LHFPL4: variants seen among roughly 807,000 people sequenced by gnomAD.
LHFPL4 encodes LHFPL tetraspan subfamily member 4 protein.
LHFPL4 carries 6 observed loss-of-function variants against 20.0 expected under a neutral mutation model. That is an observed-to-expected ratio of 0.30 (90% CI 0.16 to 0.59). The LOEUF (loss-of-function observed/expected upper bound fraction) is 0.59. LHFPL4 is among the 20% of genes least tolerant of loss of function. The pLI, the probability that LHFPL4 is intolerant of heterozygous loss-of-function variation, is 0.88. For synonymous variants in LHFPL4, 129 were observed against 143.8 expected (o/e 0.90, Z 0.74); for missense variants, 215 against 331.2 (o/e 0.65, Z 2.72).
chr3:9,515,558 G>T (rs578060793), intron 2 of LHFPL4, among the ~76,000 whole-genome samples: 2 of 151,880 alleles, frequency 1.3e-5, no homozygotes, highest in South Asian at 4.2e-4. Flanking sequence ...ATTTTTAGTA[G>T]AGATGGGGTT....
chr3:9,530,248 G>C (rs1215918932), intron 2 of LHFPL4, among the ~76,000 whole-genome samples: 1 of 152,036 alleles, frequency 6.6e-6, no homozygotes, highest in Non-Finnish European at 1.5e-5. Context: ...ACAGAAGGCT[G>C]TTTCATCTAC....
intron 2 of LHFPL4, among the ~76,000 whole-genome samples, chr3:9,532,963 G>A (rs937993423): frequency 2.0e-5 from 3 of 152,198 alleles, no homozygotes; most frequent in African/African-American, 4.8e-5. Context: ...TGCTGCAGGG[G>A]CCCTGGAGGA....
intron 2 of LHFPL4, among the ~76,000 whole-genome samples, chr3:9,507,656 C>G (rs1398351773): frequency 6.6e-6 from 1 of 152,202 alleles, no homozygotes. Flanking sequence ...CAATGGTTCC[C>G]TAGCTAGCAT....
intron 2 of LHFPL4, among the ~76,000 whole-genome samples, chr3:9,541,399 G>A (rs1391725721): frequency 6.6e-6 from 1 of 152,154 alleles, no homozygotes; most frequent in African/African-American, 2.4e-5. Context: ...AACAACCTTG[G>A]TGCTGGGAAA....
intron 2 of LHFPL4, among the ~76,000 whole-genome samples, chr3:9,551,701 T>C (rs2125669314): frequency 6.6e-6 from 1 of 152,230 alleles, no homozygotes; most frequent in Middle Eastern, 3.4e-3. Flanking sequence ...TCTCAAACAG[T>C]GGATAAGCAC....
At chr3:9,521,694 C>T (rs1018748206) in intron 2 of LHFPL4, among the ~76,000 whole-genome samples, 2 of 138,598 alleles carry the variant, frequency 1.4e-5, no homozygotes, top group African/African-American at 2.8e-5. Context: ...TGAGCCACCA[C>T]GCCCAGCCTC....
rs116778921 is a variant in LHFPL4 at position 9,533,086 on chromosome 3, C to G, written c.406+19188G>C. Among the ~76,000 whole-genome samples, 5 of 152,170 alleles carry G rather than the reference C, an allele frequency of 3.3e-5. No homozygotes were observed. In the South Asian group the frequency reaches 1.0e-3, roughly 32 times the overall value. ...AAGAGAAGGAAAATGTCTACAAGTTCAAAGGGGGCAGGCACTGGAAGGTGA... is the reference window on the plus strand; with the variant it reads ...AAGAGAAGGAAAATGTCTACAAGTTGAAAGGGGGCAGGCACTGGAAGGTGA... On this transcript the variant is annotated intron_variant, in intron 2 of 3. Coordinates refer to ENST00000287585, the MANE Select transcript of LHFPL4 (RefSeq NM_198560.3).
In LHFPL4 at chr3:9,500,714, G is replaced by A. The variant is rs1165050864; in HGVS notation, c.*1497C>T. On this transcript the variant is annotated 3_prime_UTR_variant, in exon 4 of 4. Transcript: ENST00000287585. ...TCCCTGCAGGTCCAGGCCGCCAGGA[G>A]GGGGCGCTGGACGAAGCCGGTCTGC... 1 of 152,274 alleles carries A rather than the reference G, an allele frequency of 6.6e-6. No individual in the cohort carries two copies. Among genetic ancestry groups the A allele is most frequent in the Non-Finnish European group, 1.5e-5 (1 of 68,068 alleles). 9.4% of individuals were successfully genotyped at this position (152,274 alleles called of 1,614,324 possible). A position where few individuals can be genotyped will look rare whatever the true frequency, so the allele number is the denominator to read the frequency against.
intron 2 of LHFPL4, among the ~76,000 whole-genome samples, chr3:9,551,920 C>T (rs2046557530): frequency 6.6e-6 from 1 of 152,022 alleles, no homozygotes; most frequent in South Asian, 2.1e-4. Context: ...TTCAACATAA[C>T]AGAAATTGAT....
intron 2 of LHFPL4, among the ~76,000 whole-genome samples, chr3:9,517,504 T>C (rs1377874229): frequency 6.6e-6 from 1 of 151,930 alleles, no homozygotes; most frequent in Non-Finnish European, 1.5e-5. Flanking sequence ...TTTCACTTTT[T>C]CCAGTCTGAG....
Position 9,527,809 on chromosome 3 carries a change from A to AACACACACAC in LHFPL4, c.407-21616_407-21607dup, listed in dbSNP as rs58489008. Among the ~76,000 whole-genome samples, 378 of 143,270 alleles carry AACACACACAC rather than the reference A, an allele frequency of 2.6e-3. 1 individual carries two copies. The highest frequency in any genetic ancestry group is 7.1e-3 in the South Asian group (31 of 4,346). The allele number at this position is 143,270 out of a possible 152,430, so 94.0% of individuals were successfully genotyped here. A position where few individuals can be genotyped will look rare whatever the true frequency, so the allele number is the denominator to read the frequency against. ...TGTACAAATTAATTTTTCAAATACA[A>AACACACACAC]ACACACACACACACACACACACACA... On this transcript the variant is annotated intron_variant, in intron 2 of 3. Coordinates refer to ENST00000287585, the MANE Select transcript of LHFPL4 (RefSeq NM_198560.3).
intron 3 of LHFPL4, among the ~76,000 whole-genome samples, chr3:9,504,103 G>A (rs971731017): frequency 6.6e-6 from 1 of 152,174 alleles, no homozygotes; most frequent in Admixed American, 6.5e-5. Flanking sequence ...GGGTGTGCTG[G>A]CTCATGCCTG....
chr3:9,550,380 C>T (rs1574857811), intron 2 of LHFPL4, among the ~76,000 whole-genome samples: 1 of 152,224 alleles, frequency 6.6e-6, no homozygotes, highest in African/African-American at 2.4e-5. Flanking sequence ...GGCTGTAGAA[C>T]TAGCTTCCTC....
intron 3 of LHFPL4, among the ~76,000 whole-genome samples, chr3:9,502,685 A>T: frequency 6.6e-6 from 1 of 151,462 alleles, no homozygotes. Flanking sequence ...CCTAGGCAAA[A>T]AGTGTGAAAC....
chr3:9,510,051 A>G (rs891604980), intron 2 of LHFPL4, among the ~76,000 whole-genome samples: 15 of 152,156 alleles, frequency 9.9e-5, no homozygotes, highest in African/African-American at 3.4e-4. Context: ...TTCAAGCTAG[A>G]TGATTCTTCA....
At chr3:9,525,011 C>T (rs537353248) in intron 2 of LHFPL4, among the ~76,000 whole-genome samples, 4 of 152,170 alleles carry the variant, frequency 2.6e-5, no homozygotes, top group African/African-American at 9.6e-5. Context: ...TTCTTGCCCT[C>T]CTTAGGTGGG....
intron 2 of LHFPL4, among the ~76,000 whole-genome samples, chr3:9,511,028 T>C (rs1349581011): frequency 6.6e-6 from 1 of 151,932 alleles, no homozygotes; most frequent in African/African-American, 2.4e-5. Context: ...AGTTTCTGAC[T>C]TTCATTATCT....
intron 2 of LHFPL4, among the ~76,000 whole-genome samples, chr3:9,528,628 T>A (rs575791751): frequency 1.3e-5 from 2 of 152,260 alleles, no homozygotes; most frequent in South Asian, 4.1e-4. Flanking sequence ...ATTATTATTA[T>A]TTTTTGAGAC....
At chr3:9,508,477 T>TA (rs2046235003) in intron 2 of LHFPL4, among the ~76,000 whole-genome samples, 1 of 152,198 alleles carries the variant, frequency 6.6e-6, no homozygotes. Context: ...CTGGATGAGT[T>TA]AAAGAATTAG....
Sources: gnomAD v4.1 joint callset for allele counts (sites outside exome capture counted in the v4.1 genomes callset) on GRCh38, gnomAD v4.1.1 for gene constraint, MANE v1.5 for transcripts, NCBI Gene and HGNC (gene_info 2026-07-23, HGNC 2026-07-21) for gene names.